GREB1L: variants seen among roughly 807,000 people sequenced by gnomAD.
GREB1L encodes GREB1-like protein.
Under a neutral mutation model 200.8 loss-of-function variants are expected in GREB1L, and 17 were observed. The observed-to-expected ratio is 0.08, with a 90% CI of 0.06 to 0.13. The LOEUF (loss-of-function observed/expected upper bound fraction) is 0.13. Ranked by LOEUF, GREB1L falls within the 10% of genes least tolerant of loss-of-function variation. GREB1L has a pLI of 1.00. For missense variants in GREB1L, 1,657 were observed against 2,367.7 expected, an observed-to-expected ratio of 0.70 and a Z score of 6.23; for synonymous variants, 789 against 893.0, an observed-to-expected ratio of 0.88 and a Z score of 2.08.
chr18:21,449,889 T>A, intron 12 of GREB1L, 53 bp downstream of exon 12: 1 of 1,348,618 alleles, frequency 7.4e-7, no homozygotes, highest in East Asian at 2.5e-5. Context: ...CGACCATTTT[T>A]CCATTTAAAA....
chr18:21,324,208 A>C (rs1448378935), intron 1 of GREB1L, among the ~76,000 whole-genome samples: 2 of 152,202 alleles, frequency 1.3e-5, no homozygotes, highest in Non-Finnish European at 2.9e-5. Flanking sequence ...ATATTTAATA[A>C]AATATGCTCA....
At chr18:21,455,618 G>A (rs1365208027) in intron 15 of GREB1L, among the ~76,000 whole-genome samples, 1 of 151,880 alleles carries the variant, frequency 6.6e-6, no homozygotes, top group Non-Finnish European at 1.5e-5. Flanking sequence ...GGAAGGCAGA[G>A]GCTGTGGTGA....
At chr18:21,507,862 G>A (rs1384687063) in intron 25 of GREB1L, among the ~76,000 whole-genome samples, 4 of 152,174 alleles carry the variant, frequency 2.6e-5, no homozygotes, top group Non-Finnish European at 5.9e-5. Context: ...CACACAGAAT[G>A]CAGTGCCAGG....
intron 23 of GREB1L, among the ~76,000 whole-genome samples, chr18:21,502,183 G>A (rs910036479): frequency 2.3e-4 from 35 of 151,918 alleles, no homozygotes; most frequent in Middle Eastern, 3.2e-3. Flanking sequence ...CCCGGGAGGC[G>A]GAGTTTGCAG....
intron 15 of GREB1L, among the ~76,000 whole-genome samples, chr18:21,469,953 G>A (rs1281895336): frequency 2.6e-5 from 4 of 151,868 alleles, no homozygotes; most frequent in African/African-American, 7.3e-5. Context: ...TTCTTTGCTC[G>A]GCCATATACA....
intron 1 of GREB1L, among the ~76,000 whole-genome samples, chr18:21,298,967 A>G (rs530742396): frequency 6.6e-6 from 1 of 152,118 alleles, no homozygotes; most frequent in East Asian, 1.9e-4. Context: ...TTGAGGGTGT[A>G]GGAAGGAAAG....
chr18:21,258,347 TC>T (rs148197553), intron 1 of GREB1L, among the ~76,000 whole-genome samples: 1 of 152,304 alleles, frequency 6.6e-6, no homozygotes, highest in Non-Finnish European at 1.5e-5. Flanking sequence ...AAGTGCTTTG[TC>T]CCTTTTGCTC....
intron 1 of GREB1L, among the ~76,000 whole-genome samples, chr18:21,254,369 G>A (rs1022519309): frequency 1.3e-5 from 2 of 151,918 alleles, no homozygotes; most frequent in Non-Finnish European, 2.9e-5. Context: ...ATGCCCAGCC[G>A]CTTTTGGGCT....
chr18:21,507,739 G>A (rs1422409993), intron 25 of GREB1L, among the ~76,000 whole-genome samples: 1 of 152,200 alleles, frequency 6.6e-6, no homozygotes, highest in Non-Finnish European at 1.5e-5. Context: ...CCCGCATAGA[G>A]CAGAAGTGTT....
intron 1 of GREB1L, among the ~76,000 whole-genome samples, chr18:21,360,539 T>C (rs2039567693): frequency 6.6e-6 from 1 of 152,208 alleles, no homozygotes; most frequent in Non-Finnish European, 1.5e-5. Flanking sequence ...GATATTAGGA[T>C]TAAATGAAAT....
rs368170898 is a variant in GREB1L at position 21,496,691 on chromosome 18, G to A, written c.3384G>A (p.Gly1128=). 4 of 1,551,136 alleles carry A rather than the reference G, an allele frequency of 2.6e-6. No homozygotes were observed. In the African/African-American group the frequency reaches 5.5e-5, roughly 21 times the overall value. ...RPQSNSSAVT[G]TSGSIMENGV... ...AGAGCAACAGCAGCGCTGTCACAGGGACCTCGGGTCAGTACTTTCTTTTCT... is the reference window on the plus strand; with the variant it reads ...AGAGCAACAGCAGCGCTGTCACAGGAACCTCGGGTCAGTACTTTCTTTTCT... The change falls in exon 21 of 33, where the codon GGG becomes GGA. Residue 1128 remains glycine (G), a synonymous_variant. Transcript: ENST00000424526.
At chr18:21,455,187 T>C (rs1169053520) in intron 15 of GREB1L, 2 of 151,942 alleles carry the variant, frequency 1.3e-5, no homozygotes, top group Non-Finnish European at 2.9e-5. Flanking sequence ...AGAAATAAAA[T>C]TTGATTAGAA....
intron 1 of GREB1L, among the ~76,000 whole-genome samples, chr18:21,332,943 T>A (rs1313341311): frequency 2.0e-5 from 3 of 151,940 alleles, no homozygotes; most frequent in Non-Finnish European, 2.9e-5. Flanking sequence ...TAGCTGGGTG[T>A]GATGACATAT....
At chr18:21,263,767 T>C (rs1474715885) in intron 1 of GREB1L, among the ~76,000 whole-genome samples, 1 of 152,234 alleles carries the variant, frequency 6.6e-6, no homozygotes, top group Non-Finnish European at 1.5e-5. Context: ...AGTAGGGATC[T>C]CTGTCACCTA....
At chr18:21,521,293 C>T (rs1056433592) in intron 32 of GREB1L, among the ~76,000 whole-genome samples, 2 of 151,760 alleles carry the variant, frequency 1.3e-5, no homozygotes, top group African/African-American at 4.8e-5. Flanking sequence ...ATCGCTTAAA[C>T]CCGGAAGGCA....
intron 1 of GREB1L, among the ~76,000 whole-genome samples, chr18:21,295,992 T>C (rs1282793942): frequency 6.6e-6 from 1 of 152,186 alleles, no homozygotes; most frequent in Non-Finnish European, 1.5e-5. Context: ...TGTAAATTAA[T>C]TCAGCCACTA....
At chr18:21,249,800 C>T (rs1329478730) in intron 1 of GREB1L, among the ~76,000 whole-genome samples, 15 of 150,282 alleles carry the variant, frequency 1.0e-4, no homozygotes, top group African/African-American at 3.2e-4. Flanking sequence ...GCGGAAGTTG[C>T]GGTGAGCTGA....
At chr18:21,500,840 G>A (rs1173058983) in intron 23 of GREB1L, among the ~76,000 whole-genome samples, 198 bp downstream of exon 23, 8 of 152,184 alleles carry the variant, frequency 5.3e-5, no homozygotes, top group East Asian at 1.9e-4. Context: ...AGGTCAAGGC[G>A]GGTGGATCAC....
intron 1 of GREB1L, among the ~76,000 whole-genome samples, chr18:21,262,348 CT>C (rs1422979723): frequency 6.6e-6 from 1 of 152,112 alleles, no homozygotes; most frequent in East Asian, 1.9e-4. Flanking sequence ...AGAAAGTGAA[CT>C]TTAAAAACTA....
Sources: allele counts gnomAD v4.1 joint callset (sites outside exome capture counted in the v4.1 genomes callset), GRCh38; gene constraint gnomAD v4.1.1; transcripts MANE v1.5; gene names NCBI Gene and HGNC (gene_info 2026-07-23, HGNC 2026-07-21).